PRKCE: variants seen among roughly 807,000 people sequenced by gnomAD.
The protein encoded by PRKCE is protein kinase C epsilon type.
A neutral mutation model predicts 85.4 loss-of-function variants in PRKCE; 16 were observed. That is an observed-to-expected ratio of 0.19 (90% CI 0.13 to 0.28). The LOEUF (loss-of-function observed/expected upper bound fraction) is 0.28. PRKCE is among the 10% of genes least tolerant of loss of function. PRKCE has a pLI of 1.00. For synonymous variants in PRKCE, 388 were observed against 371.5 expected (o/e 1.04, Z -0.51); for missense variants, 573 against 975.2 (o/e 0.59, Z 5.49).
chr2:46,034,507 T>C (rs1419459716), intron 10 of PRKCE, among the ~76,000 whole-genome samples: 1 of 152,232 alleles, frequency 6.6e-6, no homozygotes, highest in African/African-American at 2.4e-5. Flanking sequence ...TATAGATCTC[T>C]AGCCACCAAT....
chr2:45,978,266 C>T (rs1702614105), intron 3 of PRKCE: 1 of 152,328 alleles, frequency 6.6e-6, no homozygotes, highest in African/African-American at 2.4e-5. Flanking sequence ...TCTAGGTTCC[C>T]TGGGGTGGAG....
At chr2:45,839,148 AC>A (rs1295330645) in intron 1 of PRKCE, among the ~76,000 whole-genome samples, 2 of 151,708 alleles carry the variant, frequency 1.3e-5, no homozygotes, top group Non-Finnish European at 2.9e-5. Flanking sequence ...TTTTTTTTTA[AC>A]TAAGGTAAGG....
At chr2:45,666,770 A>G (rs1217580871) in intron 1 of PRKCE, among the ~76,000 whole-genome samples, 1 of 152,142 alleles carries the variant, frequency 6.6e-6, no homozygotes, top group African/African-American at 2.4e-5. Flanking sequence ...TCCTGAGGGT[A>G]AAACTCCTGC....
rs1261168633 is a variant in PRKCE at position 46,184,876 on chromosome 2, C to T, written c.2209C>T (p.Pro737Ser). The change falls in exon 15 of 15, where the codon CCC (proline) becomes TCC (serine). Residue 737 changes from proline (P) to serine (S), a missense_variant. Coordinates refer to ENST00000306156, the MANE Select transcript of PRKCE (RefSeq NM_005400.3). The surrounding 1 kb of genome is among the most constrained non-coding windows in gnomAD (Gnocchi z 5.0). ...GFSYFGEDLMP is the reference protein window; with the variant it reads ...GFSYFGEDLMS ...CTCCTACTTTGGTGAAGACCTGATG[C>T]CCTGAGAGCCCACTGCAGTTGGACT... 1.3e-6 allele frequency: 2 copies of T among 1,599,748 alleles called. No individual in the cohort carries two copies. Among genetic ancestry groups the T allele is most frequent in the Non-Finnish European group, 1.7e-6 (2 of 1,179,938 alleles).
At chr2:45,777,793 A>G (rs1685867207) in intron 1 of PRKCE, among the ~76,000 whole-genome samples, 1 of 151,976 alleles carries the variant, frequency 6.6e-6, no homozygotes, top group Admixed American at 6.6e-5. Context: ...CCTGCCAGAA[A>G]CTTGGTTTGC....
intron 14 of PRKCE, among the ~76,000 whole-genome samples, chr2:46,177,487 A>C (rs942366432): frequency 3.9e-5 from 6 of 152,164 alleles, no homozygotes; most frequent in Non-Finnish European, 8.8e-5. Context: ...CAGCTCTGGT[A>C]GCCACAGACT....
chr2:46,133,546 A>G (rs1473059629), intron 11 of PRKCE, among the ~76,000 whole-genome samples: 2 of 152,230 alleles, frequency 1.3e-5, no homozygotes, highest in South Asian at 2.1e-4. Context: ...GTCAATGAAT[A>G]TATCAGTGAT....
intron 1 of PRKCE, among the ~76,000 whole-genome samples, chr2:45,823,580 G>T (rs1458028902): frequency 6.6e-6 from 1 of 152,240 alleles, no homozygotes; most frequent in African/African-American, 2.4e-5. Flanking sequence ...TCCACAGCAA[G>T]AAAGTCGGGG....
Position 45,903,903 on chromosome 2 carries a change from G to T in PRKCE, c.412+60840G>T, listed in dbSNP as rs137925064. Among the ~76,000 whole-genome samples, 359 of 81,148 alleles carry T rather than the reference G, an allele frequency of 4.4e-3. 3 individuals are homozygous for T. The highest frequency in any genetic ancestry group is 9.2e-3 in the African/African-American group (234 of 25,454). 53.2% of individuals were successfully genotyped at this position (81,148 alleles called of 152,430 possible). A position where few individuals can be genotyped will look rare whatever the true frequency, so the allele number is the denominator to read the frequency against. On this transcript the variant is annotated intron_variant, in intron 2 of 14. Transcript: ENST00000306156. ...GCAGTTTTTTTTTGTTTGTTTGTTT[G>T]TTTGTTTGTTTGTTTTTTTTGGCAG...
At chr2:45,979,369 G>C (rs755566411) in intron 4 of PRKCE, among the ~76,000 whole-genome samples, 3 of 152,154 alleles carry the variant, frequency 2.0e-5, no homozygotes, top group Non-Finnish European at 4.4e-5. Context: ...TATTCTGCCA[G>C]ATCCCTCCCT....
intron 10 of PRKCE, among the ~76,000 whole-genome samples, chr2:46,075,332 G>C (rs922666343): frequency 6.6e-6 from 1 of 151,274 alleles, no homozygotes; most frequent in African/African-American, 2.4e-5. Context: ...CACCGTGCCC[G>C]GCCCGCTCAA....
At chr2:45,766,306 T>G (rs1040585365) in intron 1 of PRKCE, among the ~76,000 whole-genome samples, 7 of 152,206 alleles carry the variant, frequency 4.6e-5, no homozygotes, top group African/African-American at 1.7e-4. Context: ...TTCTATTACC[T>G]TTTTTGGTCC....
intron 1 of PRKCE, among the ~76,000 whole-genome samples, chr2:45,703,027 C>CA (rs950448201): frequency 2.0e-5 from 3 of 151,688 alleles, no homozygotes; most frequent in East Asian, 1.9e-4. Flanking sequence ...TTTTTCCCCC[C>CA]CCGTCAGGAA....
chr2:45,652,433 C>A lies in PRKCE; in HGVS notation c.333C>A (p.Arg111=). ...QFEELLQNGS[R]HFEDWIDLEP... ...AGGAGCTGCTGCAGAACGGGAGCCG[C>A]CACTTCGAGGACTGGGTGAGTGCGG... Residue 111 remains arginine (R), a synonymous_variant, in exon 1 of 15, where the codon CGC becomes CGA. Transcript: ENST00000306156. This position sits in a 1 kb window ranked among gnomAD's most constrained non-coding sequence, Gnocchi z 7.7. The A allele has an allele frequency of 6.2e-7, 1 of 1,608,832 alleles. No homozygotes were observed.
At chr2:45,678,914 G>T (rs1187176688) in intron 1 of PRKCE, among the ~76,000 whole-genome samples, 1 of 152,088 alleles carries the variant, frequency 6.6e-6, no homozygotes, top group African/African-American at 2.4e-5. Context: ...CCTTGTTGAG[G>T]CCTAGACGAG....
intron 1 of PRKCE, among the ~76,000 whole-genome samples, chr2:45,838,717 ATCC>A (rs1199398804): frequency 6.6e-6 from 1 of 152,188 alleles, no homozygotes; most frequent in East Asian, 1.9e-4. Context: ...GGCTCAAGCA[ATCC>A]TCCTGCCTCT....
intron 2 of PRKCE, among the ~76,000 whole-genome samples, chr2:45,874,754 C>A (rs1483544588): frequency 6.6e-6 from 1 of 152,156 alleles, no homozygotes; most frequent in Non-Finnish European, 1.5e-5. Context: ...CCCACTGTTT[C>A]CAGAGAGGAT....
chr2:45,686,945 G>T (rs1358569859), intron 1 of PRKCE, among the ~76,000 whole-genome samples: 1 of 152,032 alleles, frequency 6.6e-6, no homozygotes, highest in Non-Finnish European at 1.5e-5. Flanking sequence ...TCTATACCTA[G>T]TTTCTTCTGC....
At chr2:46,037,826 G>A (rs1465671134) in intron 10 of PRKCE, among the ~76,000 whole-genome samples, 1 of 152,164 alleles carries the variant, frequency 6.6e-6, no homozygotes, top group Non-Finnish European at 1.5e-5. Flanking sequence ...CTAGCAAAGA[G>A]GGAAAGATCA....
Sources: gnomAD v4.1 joint callset for allele counts (sites outside exome capture counted in the v4.1 genomes callset) on GRCh38, gnomAD v4.1.1 for gene constraint, Gnocchi (gnomAD v3.1) non-coding constraint, MANE v1.5 for transcripts, NCBI Gene and HGNC (gene_info 2026-07-23, HGNC 2026-07-21) for gene names.